Variants in DGKB observed in about 807,000 individuals in gnomAD.
DGKB encodes diacylglycerol kinase beta, also known as 90 kDa diacylglycerol kinase.
Under a neutral mutation model 114.3 loss-of-function variants are expected in DGKB, and 67 were observed. The observed-to-expected ratio is 0.59, with a 90% CI of 0.48 to 0.72. DGKB has a LOEUF of 0.72. Among genes scored for constraint, DGKB ranks in the 30% least tolerant of loss-of-function variants. The pLI, the probability that DGKB is intolerant of heterozygous loss-of-function variation, is 0.00. For synonymous variants in DGKB, 398 were observed against 323.1 expected (o/e 1.23, Z -2.49); for missense variants, 907 against 975.2 (o/e 0.93, Z 0.93).
rs1247929503 is a variant in DGKB at position 14,309,291 on chromosome 7, T to C, written c.2122+29224A>G. 2.0e-5 allele frequency among the ~76,000 whole-genome samples: 3 copies of C among 152,326 alleles called. No individual in the cohort carries two copies. The East Asian group carries it at 5.8e-4, about 29-fold the overall frequency. ...TGTCTTTGTCACCATGTATCAGCAGTGGTTAGCACATAGTAGATCTCCAAT... is the reference window on the plus strand; with the variant it reads ...TGTCTTTGTCACCATGTATCAGCAGCGGTTAGCACATAGTAGATCTCCAAT... On this transcript the variant is annotated intron_variant, in intron 23 of 25. Transcript: ENST00000402815.
At chr7:14,653,338 A>C (rs1345114425) in intron 13 of DGKB, among the ~76,000 whole-genome samples, 1 of 152,112 alleles carries the variant, frequency 6.6e-6, no homozygotes, top group Non-Finnish European at 1.5e-5. Flanking sequence ...AAAAATGATG[A>C]GTTCACGTCC....
intron 20 of DGKB, among the ~76,000 whole-genome samples, chr7:14,522,730 A>G (rs906254431): frequency 6.6e-6 from 1 of 152,174 alleles, no homozygotes; most frequent in African/African-American, 2.4e-5. Context: ...GGAGCAAAGA[A>G]TTACTTGTTT....
intron 4 of DGKB, among the ~76,000 whole-genome samples, 195 bp downstream of exon 4, chr7:14,753,733 C>T (rs1021488647): frequency 5.9e-5 from 9 of 152,158 alleles, no homozygotes; most frequent in East Asian, 3.9e-4. Context: ...TATTAAGGCA[C>T]GAAATCCTTT....
chr7:14,856,524 C>A (rs975341748), intron 1 of DGKB, among the ~76,000 whole-genome samples: 4 of 152,120 alleles, frequency 2.6e-5, no homozygotes, highest in African/African-American at 9.6e-5. Flanking sequence ...CATGTTTGAA[C>A]TTTTATAAAA....
intron 17 of DGKB, among the ~76,000 whole-genome samples, chr7:14,586,792 T>C (rs1800845219): frequency 6.6e-6 from 1 of 151,776 alleles, no homozygotes. Flanking sequence ...GCGTGAGGGA[T>C]ATCGCATTTC....
At chr7:14,238,197 G>C (rs1009616874) in intron 23 of DGKB, among the ~76,000 whole-genome samples, 2 of 152,024 alleles carry the variant, frequency 1.3e-5, no homozygotes, top group African/African-American at 4.8e-5. Context: ...TATTGAGGGA[G>C]GGACCTGGTG....
At chr7:14,762,895 T>A (rs1835910196) in intron 2 of DGKB, among the ~76,000 whole-genome samples, 1 of 152,140 alleles carries the variant, frequency 6.6e-6, no homozygotes, top group African/African-American at 2.4e-5. Context: ...TAGCAAAGTG[T>A]CTGGTGCCCA....
intron 13 of DGKB, among the ~76,000 whole-genome samples, chr7:14,633,023 A>G (rs569830776): frequency 1.9e-4 from 29 of 151,878 alleles, no homozygotes; most frequent in Non-Finnish European, 3.7e-4. Flanking sequence ...ATTTGAAGTT[A>G]TCCAAAAAAG....
Position 14,211,107 on chromosome 7 carries a change from A to C in DGKB, c.2123-32956T>G, listed in dbSNP as rs145108693. Among the ~76,000 whole-genome samples the C allele has an allele frequency of 9.9e-3, 1,508 of 152,092 alleles. 29 individuals are homozygous for C. The highest frequency in any genetic ancestry group is 0.035 in the African/African-American group (1,451 of 41,522). The stretch of plus-strand genomic sequence containing the variant: ...CACTGTGTTCTCCTACTCACCTCTC[A>C]AACTGTTCAAATCTGGCTCCTTTCC... On this transcript the variant is annotated intron_variant, in intron 23 of 25. Coordinates refer to ENST00000402815, the MANE Select transcript of DGKB (RefSeq NM_001350709.2).
intron 1 of DGKB, among the ~76,000 whole-genome samples, chr7:14,917,247 T>C (rs905058851): frequency 1.3e-5 from 2 of 151,796 alleles, no homozygotes; most frequent in African/African-American, 4.8e-5. Flanking sequence ...GCTATATAAA[T>C]GTAAAACAAT....
chr7:14,971,699 T>A (rs981060998), intron 1 of DGKB, among the ~76,000 whole-genome samples: 1 of 151,964 alleles, frequency 6.6e-6, no homozygotes, highest in African/African-American at 2.4e-5. Context: ...AAATCTTTTA[T>A]TTTTATTTTT....
At chr7:14,612,035 C>T (rs1457541088) in intron 16 of DGKB, among the ~76,000 whole-genome samples, 1 of 151,196 alleles carries the variant, frequency 6.6e-6, no homozygotes, top group East Asian at 1.9e-4. Flanking sequence ...TAAAACTATT[C>T]CCTTTAATAA....
Position 14,571,531 on chromosome 7 carries a change from T to C in DGKB, c.1770+2681A>G, listed in dbSNP as rs188634671. On this transcript the variant is annotated intron_variant, in intron 20 of 25. Transcript: ENST00000402815. ...GAGATCTCGGAATCAAACTTTCATA[T>C]GGGCTGTGATAAACTTCTATATATT... is the stretch of plus-strand genomic sequence containing the variant. 2.6e-5 allele frequency among the ~76,000 whole-genome samples: 4 copies of C among 152,334 alleles called. No homozygotes were observed. In the East Asian group the frequency reaches 7.7e-4, roughly 29 times the overall value.
At chr7:14,244,661 C>T (rs967171020) in intron 23 of DGKB, among the ~76,000 whole-genome samples, 1 of 116,114 alleles carries the variant, frequency 8.6e-6, no homozygotes, top group African/African-American at 3.4e-5. Flanking sequence ...CAGAGTGAGA[C>T]TCTGTCTCAA....
At chr7:14,507,832 A>AACTGTGGGT (rs1787335584) in intron 20 of DGKB, among the ~76,000 whole-genome samples, 1 of 152,122 alleles carries the variant, frequency 6.6e-6, no homozygotes, top group African/African-American at 2.4e-5. Context: ...CACGTGAGTC[A>AACTGTGGGT]ACTGTGGGTA....
At chr7:14,925,540 T>C (rs1784702630) in intron 1 of DGKB, among the ~76,000 whole-genome samples, 1 of 152,152 alleles carries the variant, frequency 6.6e-6, no homozygotes, top group Non-Finnish European at 1.5e-5. Context: ...ATGAATATGG[T>C]ATGTCTTATT....
intron 21 of DGKB, among the ~76,000 whole-genome samples, chr7:14,414,588 T>A (rs148506613): frequency 8.2e-4 from 125 of 152,238 alleles, no homozygotes; most frequent in Non-Finnish European, 1.6e-3. Flanking sequence ...TTTCTGTAAG[T>A]TTCTTACAAC....
At chr7:14,753,382 A>G (rs1834389220) in intron 4 of DGKB, among the ~76,000 whole-genome samples, 1 of 152,170 alleles carries the variant, frequency 6.6e-6, no homozygotes, top group Non-Finnish European at 1.5e-5. Flanking sequence ...CTAAAACTTA[A>G]TTTACAAAAC....
chr7:14,959,856 CT>C (rs560321722), intron 1 of DGKB, among the ~76,000 whole-genome samples: 78 of 151,766 alleles, frequency 5.1e-4, no homozygotes, highest in South Asian at 3.7e-3. Context: ...ATGAAAATGT[CT>C]ATATACCTAA....
Sources: allele counts gnomAD v4.1 joint callset (sites outside exome capture counted in the v4.1 genomes callset), GRCh38; gene constraint gnomAD v4.1.1; transcripts MANE v1.5; gene names NCBI Gene and HGNC (gene_info 2026-07-23, HGNC 2026-07-21).